KCNC2: variants seen among roughly 807,000 people sequenced by gnomAD.
KCNC2 encodes potassium voltage-gated channel subfamily C member 2, also known as voltage-gated potassium channel KCNC2.
In KCNC2, 21 loss-of-function variants were observed where a neutral mutation model predicts 44.5. The ratio of observed to expected loss-of-function variants is 0.47; its 90% CI spans 0.33 to 0.68. The LOEUF (loss-of-function observed/expected upper bound fraction) is 0.68, where lower values mean the gene tolerates loss of function less well. Among genes scored for constraint, KCNC2 ranks in the 30% least tolerant of loss-of-function variants. The pLI is 0.01. For synonymous variants in KCNC2, 391 were observed against 339.1 expected (o/e 1.15, Z -1.68); for missense variants, 589 against 826.2 (o/e 0.71, Z 3.52).
intron 2 of KCNC2, among the ~76,000 whole-genome samples, chr12:75,132,240 T>A (rs1888905844): frequency 6.6e-6 from 1 of 152,048 alleles, no homozygotes; most frequent in African/African-American, 2.4e-5. Flanking sequence ...ATAATAAATA[T>A]AAAAAAATTA....
At chr12:75,124,322 C>A (rs1272982795) in intron 2 of KCNC2, among the ~76,000 whole-genome samples, 1 of 152,154 alleles carries the variant, frequency 6.6e-6, no homozygotes, top group Non-Finnish European at 1.5e-5. Flanking sequence ...ATTTACTACC[C>A]AGCAGCTAAC....
At chr12:75,197,524 A>G (rs2030877807) in intron 2 of KCNC2, among the ~76,000 whole-genome samples, 1 of 151,990 alleles carries the variant, frequency 6.6e-6, no homozygotes, top group Non-Finnish European at 1.5e-5. Context: ...TTAGTGCACT[A>G]TAACTGTGAA....
chr12:75,046,239 T>C (rs1240350258), intron 4 of KCNC2, among the ~76,000 whole-genome samples: 1 of 151,788 alleles, frequency 6.6e-6, no homozygotes, highest in African/African-American at 2.4e-5. Flanking sequence ...AGAATTTATA[T>C]TTGTGAAATA....
intron 3 of KCNC2, among the ~76,000 whole-genome samples, chr12:75,048,774 T>C (rs1880837599): frequency 6.6e-6 from 1 of 152,130 alleles, no homozygotes; most frequent in Non-Finnish European, 1.5e-5. Flanking sequence ...AAGCATTGTG[T>C]CCAAAACTCT....
Position 75,041,240 on chromosome 12 carries a change from T to C in KCNC2, c.*1865A>G. ...AATAACAGCAGCACCAGACAGCATA[T>C]TAATTCTTTTACCATAAATTTGTGT... On this transcript the variant is annotated 3_prime_UTR_variant, in exon 5 of 5. Coordinates refer to ENST00000549446, the MANE Select transcript of KCNC2 (RefSeq NM_139137.4). 6.3e-7 allele frequency: 1 copy of C among 1,591,804 alleles called. No individual in the cohort carries two copies. Among genetic ancestry groups the C allele is most frequent in the Non-Finnish European group, 8.5e-7 (1 of 1,175,790 alleles).
chr12:75,122,519 A>G (rs1227419956), intron 2 of KCNC2, among the ~76,000 whole-genome samples: 3 of 152,168 alleles, frequency 2.0e-5, no homozygotes, highest in Admixed American at 2.0e-4. Context: ...AATCCTATGA[A>G]CTGATCCGTA....
At chr12:75,080,566 T>C (rs1216363921) in intron 2 of KCNC2, among the ~76,000 whole-genome samples, 2 of 152,234 alleles carry the variant, frequency 1.3e-5, no homozygotes, top group Non-Finnish European at 1.5e-5. Context: ...AAATAATGTC[T>C]CTGTAGCGAA....
chr12:75,121,364 T>C (rs1000150182), intron 2 of KCNC2, among the ~76,000 whole-genome samples: 2 of 152,166 alleles, frequency 1.3e-5, no homozygotes, highest in African/African-American at 2.4e-5. Flanking sequence ...GGGCCAAGCA[T>C]AGTGTGAAGC....
At chr12:75,093,987 G>C (rs539092423) in intron 2 of KCNC2, among the ~76,000 whole-genome samples, 1 of 151,528 alleles carries the variant, frequency 6.6e-6, no homozygotes, top group Non-Finnish European at 1.5e-5. Flanking sequence ...GCATAGGCTC[G>C]GAACAGTACT....
chr12:75,200,696 T>C (rs2137778077), intron 2 of KCNC2, among the ~76,000 whole-genome samples: 1 of 149,550 alleles, frequency 6.7e-6, no homozygotes, highest in African/African-American at 2.5e-5. Context: ...ACACATTCAT[T>C]TTAAAATAAT....
chr12:75,197,567 T>C (rs2030881747), intron 2 of KCNC2, among the ~76,000 whole-genome samples: 1 of 152,048 alleles, frequency 6.6e-6, no homozygotes, highest in South Asian at 2.1e-4. Flanking sequence ...TGAATACAAG[T>C]GTTGCGAAGG....
chr12:75,060,306 A>G (rs1882179795), intron 2 of KCNC2, among the ~76,000 whole-genome samples: 1 of 151,924 alleles, frequency 6.6e-6, no homozygotes, highest in South Asian at 2.1e-4. Context: ...CTTCATTCCC[A>G]GGGCCAGCAG....
intron 2 of KCNC2, among the ~76,000 whole-genome samples, chr12:75,076,365 C>T (rs1341353341): frequency 1.3e-5 from 2 of 152,136 alleles, no homozygotes; most frequent in Non-Finnish European, 2.9e-5. Context: ...CTCCGCCTCG[C>T]GGGTTCACGC....
chr12:75,198,371 A>G (rs1195299049), intron 2 of KCNC2, among the ~76,000 whole-genome samples: 1 of 151,844 alleles, frequency 6.6e-6, no homozygotes, highest in Non-Finnish European at 1.5e-5. Context: ...ATTAAAGATA[A>G]CTGCTATTTT....
At chr12:75,167,468 G>A (rs1342655332) in intron 2 of KCNC2, among the ~76,000 whole-genome samples, 1 of 151,196 alleles carries the variant, frequency 6.6e-6, no homozygotes. Flanking sequence ...TTACAAGGTA[G>A]GAATCACTTA....
intron 2 of KCNC2, among the ~76,000 whole-genome samples, chr12:75,087,861 T>C (rs1008993463): frequency 1.3e-5 from 2 of 151,984 alleles, no homozygotes; most frequent in Admixed American, 1.3e-4. Flanking sequence ...CAGAAGAATC[T>C]CGATATGACA....
chr12:75,151,677 C>T (rs538075989), intron 2 of KCNC2, among the ~76,000 whole-genome samples: 3 of 151,572 alleles, frequency 2.0e-5, no homozygotes, highest in East Asian at 1.9e-4. Context: ...TTATCATCTA[C>T]TTATTTGATA....
intron 2 of KCNC2, among the ~76,000 whole-genome samples, chr12:75,163,741 A>T (rs1030148534): frequency 6.6e-6 from 1 of 151,742 alleles, no homozygotes; most frequent in Non-Finnish European, 1.5e-5. Flanking sequence ...ACATTTTGAA[A>T]CATAGATTAT....
At chr12:75,145,094 A>G (rs75839833) in intron 2 of KCNC2, among the ~76,000 whole-genome samples, 2,053 of 152,284 alleles carry the variant, frequency 0.013, 42 homozygotes, top group African/African-American at 0.046. Flanking sequence ...GCCTTGCAAC[A>G]TCTGTGTGCC....
Sources: gnomAD v4.1 joint callset for allele counts (sites outside exome capture counted in the v4.1 genomes callset) on GRCh38, gnomAD v4.1.1 for gene constraint, MANE v1.5 for transcripts, NCBI Gene and HGNC (gene_info 2026-07-23, HGNC 2026-07-21) for gene names.